The following PERM1 variants were observed in gnomAD, a reference collection of about 807,000 sequenced individuals.
PERM1 encodes PPARGC1 and ESRR induced regulator, muscle 1.
PERM1 carries 45 observed loss-of-function variants against 44.1 expected under a neutral mutation model. The observed-to-expected ratio is 1.02, with a 90% confidence interval of 0.80 to 1.31. The LOEUF (loss-of-function observed/expected upper bound fraction) is 1.31. PERM1 is among the 50% of genes most tolerant of loss of function. The pLI is 0.00. For synonymous variants in PERM1, 565 were observed against 477.1 expected (o/e 1.18, Z -2.40); for missense variants, 1,189 against 1,106.9 (o/e 1.07, Z -1.05).
At chr1:981,986 G>T, upstream of PERM1, 1 of 1,190,684 alleles carries the variant, frequency 8.4e-7, no homozygotes, top group Non-Finnish European at 1.1e-6. Flanking sequence ...CCTCCTCTCT[G>T]GTCTCTTGAG....
chr1:981,030 G>C, upstream of PERM1: 1 of 1,530,964 alleles, frequency 6.5e-7, no homozygotes, highest in African/African-American at 1.4e-5. Flanking sequence ...AATTTTCCAT[G>C]TGGAGTCAGC....
chr1:980,736 G>A (rs1176971362), exon 1 of PERM1: 14 of 1,409,774 alleles, frequency 9.9e-6, no homozygotes, highest in African/African-American at 1.4e-5. Context: ...TCTGCTGACC[G>A]GTCCCCAGGG....
upstream of PERM1, among the ~76,000 whole-genome samples, chr1:981,709 C>T (rs1490630322): frequency 6.6e-6 from 1 of 152,246 alleles, no homozygotes; most frequent in Non-Finnish European, 1.5e-5. Flanking sequence ...GTGCAGGCTG[C>T]GGTGGGTCTC....
exon 1 of PERM1, chr1:979,392 G>T (rs1422017013): frequency 1.3e-6 from 2 of 1,509,366 alleles, no homozygotes; most frequent in Admixed American, 2.3e-5. Flanking sequence ...GCCGGGGCCC[G>T]ACAGCCACAG....
chr1:976,358 G>T, intron 2 of PERM1, 89 bp from the exon 4 acceptor site: 1 of 1,478,970 alleles, frequency 6.8e-7, no homozygotes, highest in Non-Finnish European at 9.0e-7. Flanking sequence ...GGCGGGCAAG[G>T]TCGGTGCGGC....
At chr1:981,356 A>G (rs867274345), upstream of PERM1, 26 of 278,478 alleles carry the variant, frequency 9.3e-5, no homozygotes, top group Middle Eastern at 3.5e-3. Context: ...CTACCAGTGA[A>G]GCTATAAAAC....
exon 1 of PERM1, chr1:979,064 T>C: frequency 6.5e-7 from 1 of 1,547,462 alleles, no homozygotes; most frequent in Non-Finnish European, 8.7e-7. Context: ...ACCTCAGGGA[T>C]GGAGATGGGC....
At chr1:979,872 C>G (rs746101959) in exon 1 of PERM1, 44 of 1,549,160 alleles carry the variant, frequency 2.8e-5, no homozygotes, top group Admixed American at 7.9e-5. Flanking sequence ...TGGGTGTAGA[C>G]AGAGCCACAC....
exon 1 of PERM1, chr1:980,537 C>T: frequency 6.8e-7 from 1 of 1,469,328 alleles, no homozygotes; most frequent in Non-Finnish European, 9.0e-7. Flanking sequence ...CTCTGGGAGC[C>T]AGTGCTGTGG....
exon 3 of PERM1, chr1:976,258 T>C (rs1038212101): frequency 7.9e-6 from 12 of 1,523,392 alleles, no homozygotes; most frequent in Non-Finnish European, 9.7e-6. Flanking sequence ...GTGCCGACGT[T>C]GGCCAGCAAG....
exon 1 of PERM1, chr1:980,781 C>T (rs1643775821): frequency 3.6e-6 from 5 of 1,401,118 alleles, no homozygotes; most frequent in Non-Finnish European, 4.6e-6. Context: ...TGCTGACCGG[C>T]TGCTGTGTGG....
chr1:979,411 G>C, exon 1 of PERM1: 1 of 1,521,466 alleles, frequency 6.6e-7, no homozygotes. Context: ...AGCCTCCCAG[G>C]CTCCGGGCCC....
In PERM1 at chr1:976,630, A is replaced by T. The variant is rs1392164102; in HGVS notation, c.2150-6T>A. The T allele has an allele frequency of 6.5e-7, 1 of 1,548,782 alleles. No individual in the cohort carries two copies. The highest frequency in any genetic ancestry group is 8.7e-7 in the Non-Finnish European group (1 of 1,146,094). ...GACAGGCCCCCGGAGCTCCCCTAGG[A>T]CAGAAGCTCACCTTCAGCCCCACGG... On this transcript the variant is annotated splice_polypyrimidine_tract_variant and splice_region_variant and intron_variant, in intron 1 of 2. Transcript: ENST00000433179.
At chr1:976,019 G>A in exon 3 of PERM1, 5 of 736,788 alleles carry the variant, frequency 6.8e-6, no homozygotes, top group South Asian at 2.0e-5. Flanking sequence ...GGATCCTCAG[G>A]TGAGTCGGAG....
At chr1:976,524 C>A in exon 2 of PERM1, 1 of 1,549,540 alleles carries the variant, frequency 6.5e-7, no homozygotes, top group Non-Finnish European at 8.7e-7. Flanking sequence ...CTGGGGTATG[C>A]GGATCTGACG....
chr1:981,495 T>G (rs1643792138), upstream of PERM1, among the ~76,000 whole-genome samples: 1 of 152,224 alleles, frequency 6.6e-6, no homozygotes, highest in South Asian at 2.1e-4. Flanking sequence ...ATGGGACCAG[T>G]GCCCTCGGGG....
rs923682963 is a variant in PERM1, at chr1:980,184, C to T, written c.846G>A (p.Thr282=). 25 of 1,550,294 alleles carry T rather than the reference C, an allele frequency of 1.6e-5. No homozygotes were observed. In the Admixed American group the frequency reaches 4.3e-4, roughly 27 times the overall value. The change falls in exon 1 of 3, where the codon ACG becomes ACA. Residue 282 remains threonine (T), a synonymous_variant. Transcript: ENST00000433179. The stretch of plus-strand genomic sequence containing the variant: ...CATCTGGGAGGGCTTCCCAGACAGT[C>T]GTGGACACTGTGTGCAGCTTGGCTC...
chr1:979,840 G>A (rs1206391193), exon 1 of PERM1: 11 of 1,549,586 alleles, frequency 7.1e-6, no homozygotes, highest in Middle Eastern at 1.7e-4. Flanking sequence ...AGCCACGTCC[G>A]TGTCCAATTG....
chr1:981,032 G>A (rs1198580769), upstream of PERM1: 3 of 1,531,568 alleles, frequency 2.0e-6, no homozygotes, highest in African/African-American at 1.4e-5. Context: ...TTTTCCATGT[G>A]GAGTCAGCAG....
Sources: allele counts gnomAD v4.1 joint callset (sites outside exome capture counted in the v4.1 genomes callset), GRCh38; gene constraint gnomAD v4.1.1; transcripts MANE v1.5; gene names NCBI Gene and HGNC (gene_info 2026-07-23, HGNC 2026-07-21).